SNX29: variants seen among roughly 807,000 people sequenced by gnomAD.
SNX29 encodes the protein sorting nexin 29.
In SNX29, 78 loss-of-function variants were observed where a neutral mutation model predicts 102.1. The ratio of observed to expected loss-of-function variants is 0.76; its 90% CI spans 0.64 to 0.92. SNX29 has a LOEUF of 0.92. Ranked by LOEUF, SNX29 falls within the 40% of genes least tolerant of loss-of-function variation. SNX29 has a pLI of 0.00. For missense variants in SNX29, 1,280 were observed against 1,061.7 expected, an observed-to-expected ratio of 1.21 and a Z score of -2.86; for synonymous variants, 580 against 414.5, an observed-to-expected ratio of 1.40 and a Z score of -4.85.
At chr16:12,375,617 G>C (rs1160656914) in intron 16 of SNX29, 4 of 152,236 alleles carry the variant, frequency 2.6e-5, no homozygotes, top group Admixed American at 1.3e-4. Flanking sequence ...TTACTCTCCA[G>C]CTGTTGACTG....
chr16:12,544,791 G>T (rs958818616), intron 20 of SNX29, among the ~76,000 whole-genome samples: 3 of 152,198 alleles, frequency 2.0e-5, no homozygotes, highest in African/African-American at 7.2e-5. Context: ...GCAGAGCCAG[G>T]ATTCTAGAGA....
intron 3 of SNX29, among the ~76,000 whole-genome samples, chr16:12,004,245 G>A (rs1270172086): frequency 6.6e-6 from 1 of 150,850 alleles, no homozygotes; most frequent in Non-Finnish European, 1.5e-5. Flanking sequence ...GGAGACTGAG[G>A]CAGGAGAATT....
intron 19 of SNX29, among the ~76,000 whole-genome samples, chr16:12,494,399 G>A (rs567078380): frequency 4.1e-4 from 63 of 152,262 alleles, no homozygotes; most frequent in Middle Eastern, 3.4e-3. Context: ...CAGACTCCGC[G>A]CACTGAGAGA....
chr16:12,088,079 A>C, intron 11 of SNX29: 1 of 456,508 alleles, frequency 2.2e-6, no homozygotes, highest in South Asian at 1.5e-5. Context: ...ACTGGGAAGG[A>C]TGGGTGCTCT....
chr16:12,031,579 G>A (rs2057346234), intron 4 of SNX29, among the ~76,000 whole-genome samples: 3 of 151,792 alleles, frequency 2.0e-5, no homozygotes, highest in Admixed American at 1.3e-4. Flanking sequence ...GGCTGAGGCG[G>A]GCGGATCATG....
chr16:12,404,716 A>C (rs887522979), intron 18 of SNX29, among the ~76,000 whole-genome samples: 2 of 152,362 alleles, frequency 1.3e-5, no homozygotes, highest in East Asian at 3.9e-4. Flanking sequence ...TCCCTGGTTT[A>C]AATCCTGTGA....
At chr16:12,554,549 C>T (rs562858908) in intron 20 of SNX29, among the ~76,000 whole-genome samples, 1 of 152,342 alleles carries the variant, frequency 6.6e-6, no homozygotes, top group African/African-American at 2.4e-5. Context: ...TTTTTGTGAA[C>T]TTGTTCAACA....
intron 2 of SNX29, among the ~76,000 whole-genome samples, chr16:12,002,687 G>A (rs1422561051): frequency 6.6e-6 from 1 of 152,228 alleles, no homozygotes; most frequent in Non-Finnish European, 1.5e-5. Context: ...GGCAGGAGCA[G>A]CTTCCTGGAT....
intron 20 of SNX29, among the ~76,000 whole-genome samples, chr16:12,534,573 G>A (rs2077019459): frequency 6.6e-6 from 1 of 152,202 alleles, no homozygotes. Context: ...GGTTATTAGG[G>A]TTGAAAAAGA....
At chr16:12,518,202 C>T (rs1278020631) in intron 19 of SNX29, among the ~76,000 whole-genome samples, 4 of 152,188 alleles carry the variant, frequency 2.6e-5, no homozygotes, top group African/African-American at 4.8e-5. Context: ...CTACACCCTA[C>T]TGTCCCCCAG....
chr16:12,216,657 C>T (rs1020708652), intron 14 of SNX29, among the ~76,000 whole-genome samples: 19 of 152,214 alleles, frequency 1.2e-4, no homozygotes, highest in Admixed American at 4.6e-4. Flanking sequence ...AAAGTTCTAG[C>T]TCTGCCCTTT....
chr16:12,080,808 C>T (rs998381831), intron 11 of SNX29, among the ~76,000 whole-genome samples: 5 of 151,838 alleles, frequency 3.3e-5, no homozygotes, highest in Non-Finnish European at 7.4e-5. Context: ...TCTCCTGCGT[C>T]AGCCTCCCAA....
At chr16:12,504,321 T>C (rs1010524628) in intron 19 of SNX29, among the ~76,000 whole-genome samples, 1 of 152,174 alleles carries the variant, frequency 6.6e-6, no homozygotes, top group Non-Finnish European at 1.5e-5. Context: ...TTTCCAGAAT[T>C]GTGCAGTTAT....
chr16:12,423,493 A>G (rs1405185727), intron 18 of SNX29, among the ~76,000 whole-genome samples: 1 of 152,212 alleles, frequency 6.6e-6, no homozygotes, highest in Non-Finnish European at 1.5e-5. Context: ...GGACAGGCAG[A>G]TAACTGTATC....
At chr16:12,476,424 A>ATG (rs2087645707) in intron 18 of SNX29, among the ~76,000 whole-genome samples, 1 of 89,678 alleles carries the variant, frequency 1.1e-5, no homozygotes, top group East Asian at 2.9e-4. Flanking sequence ...ATATATATAT[A>ATG]TATATATATA....
chr16:12,067,027 A>G lies in SNX29; in HGVS notation c.1244-2030A>G, dbSNP rs546963425. ...AATAAATAAATAAATAAATAAATAA[A>G]TAAATAAGCAGGCCAGTCATGAGGG... On this transcript the variant is annotated intron_variant, in intron 9 of 20. Coordinates refer to ENST00000566228, the MANE Select transcript of SNX29 (RefSeq NM_032167.5). Among the ~76,000 whole-genome samples, 69 of 117,102 alleles carry G rather than the reference A, an allele frequency of 5.9e-4. No homozygotes were observed. The East Asian group carries it at 0.016, about 27-fold the overall frequency. The allele number at this position is 117,102 out of a possible 152,430, so 76.8% of individuals were successfully genotyped here.
At chr16:12,026,961 A>G (rs1164763875) in intron 3 of SNX29, among the ~76,000 whole-genome samples, 1 of 152,184 alleles carries the variant, frequency 6.6e-6, no homozygotes, top group East Asian at 1.9e-4. Context: ...ATTGGATGCA[A>G]TTAACATCCA....
chr16:12,153,480 C>CA (rs1185963067), intron 13 of SNX29, among the ~76,000 whole-genome samples: 1 of 149,124 alleles, frequency 6.7e-6, no homozygotes, highest in South Asian at 2.2e-4. Context: ...AAACAAAAAA[C>CA]AAAAAACAAA....
intron 20 of SNX29, among the ~76,000 whole-genome samples, chr16:12,533,147 C>A: frequency 6.6e-6 from 1 of 152,236 alleles, no homozygotes; most frequent in East Asian, 1.9e-4. Context: ...GCCGCCTTTG[C>A]CAGGCAGGGC....
Sources: gnomAD v4.1 joint callset for allele counts (sites outside exome capture counted in the v4.1 genomes callset) on GRCh38, gnomAD v4.1.1 for gene constraint, MANE v1.5 for transcripts, NCBI Gene and HGNC (gene_info 2026-07-23, HGNC 2026-07-21) for gene names.